Variants in SLC60A2 observed in about 807,000 individuals in gnomAD.
The protein encoded by SLC60A2 is solute carrier family 60 member 2.
the SLC60A2 span, among the ~76,000 whole-genome samples, chr6:111,263,248 A>C: frequency 2.0e-5 from 3 of 152,278 alleles, no homozygotes; most frequent in African/African-American, 7.2e-5. Flanking sequence ...TTTAGCATAT[A>C]CTTTTTTTGA....
the SLC60A2 span, among the ~76,000 whole-genome samples, chr6:111,261,238 A>G: frequency 4.6e-5 from 7 of 152,230 alleles, no homozygotes; most frequent in Non-Finnish European, 5.9e-5. Context: ...TTTTATATGT[A>G]TAGTTCAGGG....
At chr6:111,267,067 G>C in the SLC60A2 span, 1 of 1,613,722 alleles carries the variant, frequency 6.2e-7, no homozygotes, top group Non-Finnish European at 8.5e-7. Flanking sequence ...AATACTGGCA[G>C]TGCCCATGTG....
chr6:111,272,184 G>A, the SLC60A2 span, among the ~76,000 whole-genome samples: 2 of 151,970 alleles, frequency 1.3e-5, no homozygotes, highest in East Asian at 3.9e-4. Context: ...TGTATTTTTT[G>A]TAGAGACAGG....
chr6:111,276,861 G>A, the SLC60A2 span, among the ~76,000 whole-genome samples: 2 of 152,016 alleles, frequency 1.3e-5, no homozygotes, highest in Non-Finnish European at 2.9e-5. Context: ...ATATATCTCT[G>A]GTCCAGATTC....
the SLC60A2 span, among the ~76,000 whole-genome samples, chr6:111,274,257 ATTTTCT>A: frequency 1.3e-5 from 2 of 151,890 alleles, no homozygotes; most frequent in Admixed American, 1.3e-4. Flanking sequence ...TTATATAATG[ATTTTCT>A]TTGTCTCTTT....
At chr6:111,279,265 CTTT>C in the SLC60A2 span, among the ~76,000 whole-genome samples, 5 of 135,622 alleles carry the variant, frequency 3.7e-5, no homozygotes, top group Non-Finnish European at 3.2e-5. Flanking sequence ...TTCTTTCTTT[CTTT>C]TTTTTTTTTT....
the SLC60A2 span, among the ~76,000 whole-genome samples, chr6:111,261,364 C>T: frequency 6.6e-6 from 1 of 152,330 alleles, no homozygotes; most frequent in African/African-American, 2.4e-5. Context: ...TCAGAACTCA[C>T]TACAGTCTCG....
chr6:111,259,851 G>A, the SLC60A2 span: 1 of 713,246 alleles, frequency 1.4e-6, no homozygotes, highest in South Asian at 2.2e-5. Context: ...CTAGAAAATG[G>A]GCACAATTCT....
chr6:111,261,753 C>T, the SLC60A2 span, among the ~76,000 whole-genome samples: 1 of 152,048 alleles, frequency 6.6e-6, no homozygotes, highest in African/African-American at 2.4e-5. Flanking sequence ...ACCACCATGC[C>T]CAGCTAATTT....
chr6:111,261,342 C>G, the SLC60A2 span, among the ~76,000 whole-genome samples: 2 of 152,182 alleles, frequency 1.3e-5, no homozygotes, highest in Non-Finnish European at 2.9e-5. Context: ...TTGACGTTTT[C>G]CAGTGGCTCA....
the SLC60A2 span, among the ~76,000 whole-genome samples, chr6:111,272,194 G>T: frequency 6.6e-6 from 1 of 151,936 alleles, no homozygotes; most frequent in Non-Finnish European, 1.5e-5. Context: ...GTAGAGACAG[G>T]GTTTTGCCAT....
At chr6:111,265,999 C>T in the SLC60A2 span, 129 of 1,614,130 alleles carry the variant, frequency 8.0e-5, 2 homozygotes, top group South Asian at 8.1e-4. Flanking sequence ...GCTTTGGGTC[C>T]GACAGCGTCT....
At chr6:111,277,588 T>C in the SLC60A2 span, among the ~76,000 whole-genome samples, 5 of 152,204 alleles carry the variant, frequency 3.3e-5, no homozygotes, top group African/African-American at 9.7e-5. Context: ...ACCAAGCTTA[T>C]GTTTTTCTAT....
the SLC60A2 span, chr6:111,266,736 G>A: frequency 7.4e-6 from 12 of 1,614,076 alleles, no homozygotes; most frequent in Non-Finnish European, 1.0e-5. Context: ...TACCTCTTTG[G>A]GAGCATCAAT....
At chr6:111,262,368 A>G in the SLC60A2 span, 3 of 1,613,948 alleles carry the variant, frequency 1.9e-6, no homozygotes, top group East Asian at 2.2e-5. Flanking sequence ...GGGATATTTG[A>G]GTGGCTCTGT....
chr6:111,267,125 A>G, the SLC60A2 span: 2 of 1,593,540 alleles, frequency 1.3e-6, no homozygotes, highest in East Asian at 2.2e-5. Context: ...TTTAGAGAAG[A>G]TGGATTACTC....
the SLC60A2 span, among the ~76,000 whole-genome samples, chr6:111,265,591 A>G: frequency 3.3e-5 from 5 of 152,126 alleles, no homozygotes; most frequent in East Asian, 9.6e-4. Context: ...GAACTGTATT[A>G]TAAAAAGCGT....
At chr6:111,261,587 TTTAA>T in the SLC60A2 span, among the ~76,000 whole-genome samples, 2 of 152,062 alleles carry the variant, frequency 1.3e-5, no homozygotes, top group Non-Finnish European at 2.9e-5. Flanking sequence ...CCTGACTTAA[TTTAA>T]TTAATTAATT....
the SLC60A2 span, among the ~76,000 whole-genome samples, chr6:111,261,870 G>T: frequency 6.6e-6 from 1 of 152,142 alleles, no homozygotes; most frequent in Non-Finnish European, 1.5e-5. Flanking sequence ...GAGATTACAG[G>T]CGTGAGCTAC....
Sources: allele counts gnomAD v4.1 joint callset (sites outside exome capture counted in the v4.1 genomes callset), GRCh38; gene constraint gnomAD v4.1.1; transcripts MANE v1.5; gene names NCBI Gene and HGNC (gene_info 2026-07-23, HGNC 2026-07-21).